Variants in ADCY2 observed in about 807,000 individuals in gnomAD.
ADCY2 encodes the protein adenylate cyclase 2, also known as adenylate cyclase type 2.
Under a neutral mutation model 125.2 loss-of-function variants are expected in ADCY2, and 31 were observed. That is an observed-to-expected ratio of 0.25 (90% CI 0.19 to 0.33). The LOEUF is 0.33. Ranked by LOEUF, ADCY2 falls within the 10% of genes least tolerant of loss-of-function variation. The pLI is 1.00. For missense variants in ADCY2, 904 were observed against 1,418.2 expected (o/e 0.64, Z 5.82); for synonymous variants, 512 against 548.4 (o/e 0.93, Z 0.93).
chr5:7,490,058 C>T (rs1016823812), intron 2 of ADCY2, among the ~76,000 whole-genome samples: 6 of 151,960 alleles, frequency 3.9e-5, no homozygotes, highest in Non-Finnish European at 5.9e-5. Flanking sequence ...TAAAAATTAT[C>T]ATTCTTGGTG....
At chr5:7,598,376 A>G (rs1737079640) in intron 3 of ADCY2, among the ~76,000 whole-genome samples, 1 of 152,212 alleles carries the variant, frequency 6.6e-6, no homozygotes, top group African/African-American at 2.4e-5. Context: ...AGGACATCCT[A>G]TACTATTTTA....
chr5:7,573,493 C>T (rs1193187568), intron 3 of ADCY2, among the ~76,000 whole-genome samples: 1 of 150,142 alleles, frequency 6.7e-6, no homozygotes, highest in Non-Finnish European at 1.5e-5. Context: ...TATGTGACTA[C>T]ATGATTATTT....
chr5:7,749,319 T>C (rs1289482310), intron 15 of ADCY2, among the ~76,000 whole-genome samples: 3 of 152,214 alleles, frequency 2.0e-5, no homozygotes, highest in Non-Finnish European at 4.4e-5. Context: ...TAAAGTAATC[T>C]AGTAAGAAAG....
chr5:7,626,810 C>G (rs1270758496), intron 4 of ADCY2, among the ~76,000 whole-genome samples: 1 of 152,118 alleles, frequency 6.6e-6, no homozygotes, highest in African/African-American at 2.4e-5. Context: ...ACACCTCCCA[C>G]CAGGCCTCAC....
At chr5:7,668,491 GAACT>G (rs566208270) in intron 4 of ADCY2, among the ~76,000 whole-genome samples, 2 of 152,104 alleles carry the variant, frequency 1.3e-5, no homozygotes, top group South Asian at 2.1e-4. Context: ...TTTCTCTGGA[GAACT>G]AACTAATACA....
At chr5:7,656,789 A>G (rs1739349923) in intron 4 of ADCY2, among the ~76,000 whole-genome samples, 1 of 152,228 alleles carries the variant, frequency 6.6e-6, no homozygotes. Context: ...GGGTTCAGGT[A>G]TAGTCCCTAG....
intron 3 of ADCY2, among the ~76,000 whole-genome samples, chr5:7,558,598 A>T (rs1735611527): frequency 6.6e-6 from 1 of 152,012 alleles, no homozygotes; most frequent in African/African-American, 2.4e-5. Flanking sequence ...CCTCTGTTGG[A>T]TGCGTAGTTT....
intron 10 of ADCY2, among the ~76,000 whole-genome samples, chr5:7,710,910 G>A (rs1470608068): frequency 2.6e-5 from 4 of 152,202 alleles, no homozygotes; most frequent in Non-Finnish European, 1.5e-5. Flanking sequence ...GATTGGATAT[G>A]CATGAACATT....
chr5:7,723,704 C>T (rs1009861106), intron 12 of ADCY2, among the ~76,000 whole-genome samples: 1 of 151,904 alleles, frequency 6.6e-6, no homozygotes, highest in Admixed American at 6.6e-5. Context: ...GCGTGGACCA[C>T]GAGGTTGGGA....
In ADCY2 at chr5:7,414,582, G is replaced by A; in HGVS notation, c.220G>A (p.Asp74Asn). The A allele has an allele frequency of 6.2e-7, 1 of 1,609,380 alleles. No homozygotes were observed. The highest frequency in any genetic ancestry group is 1.3e-5 in the African/African-American group (1 of 74,838). ...VFFALGLEVE[D>N]HVAFLITVPT... Reference sequence around the variant, plus strand: ...TTTTTTATCTCCTCAGGAAGTTGAAGACCATGTGGCGTTTCTAATAACAGT... The same window carrying A: ...TTTTTTATCTCCTCAGGAAGTTGAAAACCATGTGGCGTTTCTAATAACAGT... Residue 74 changes from aspartate to asparagine, a missense_variant, in exon 2 of 25, where the codon GAC becomes AAC. This residue lies in a region of ADCY2 where 113 missense variants were observed against 108.0 expected (regional missense o/e 1.05). Coordinates refer to ENST00000338316, the MANE Select transcript of ADCY2 (RefSeq NM_020546.3).
intron 5 of ADCY2, among the ~76,000 whole-genome samples, chr5:7,693,972 C>T (rs1188755460): frequency 6.6e-6 from 1 of 152,180 alleles, no homozygotes; most frequent in Non-Finnish European, 1.5e-5. Context: ...CACAATGGCT[C>T]AGCACCTGTG....
chr5:7,777,394 T>G (rs545097333), intron 18 of ADCY2, among the ~76,000 whole-genome samples: 98 of 152,346 alleles, frequency 6.4e-4, no homozygotes, highest in Non-Finnish European at 1.3e-3. Context: ...AAAAAACATC[T>G]GTTGAATGAA....
intron 1 of ADCY2, among the ~76,000 whole-genome samples, chr5:7,397,707 T>TA (rs1739115223): frequency 1.3e-5 from 2 of 151,968 alleles, no homozygotes; most frequent in South Asian, 4.2e-4. Flanking sequence ...TTTTAAAAAA[T>TA]AAAAAAATTC....
chr5:7,575,949 G>A (rs912987884), intron 3 of ADCY2, among the ~76,000 whole-genome samples: 3 of 152,164 alleles, frequency 2.0e-5, no homozygotes, highest in African/African-American at 7.2e-5. Flanking sequence ...GCGTGTGTGT[G>A]TATGTCTGTG....
chr5:7,396,523 C>T lies in ADCY2; in HGVS notation c.210+17C>T, dbSNP rs1343610129. ...CTCGGGCTGGTGAGTGGCCTCCCCG[C>T]GGGTCCAGCGCCGCGCCTTCCCCGG... On this transcript the variant is annotated intron_variant, in intron 1 of 24. Coordinates refer to ENST00000338316, the MANE Select transcript of ADCY2 (RefSeq NM_020546.3). The surrounding 1 kb of genome is among the most constrained non-coding windows in gnomAD (Gnocchi z 5.7). The T allele has an allele frequency of 6.4e-7, 1 of 1,550,436 alleles. No homozygotes were observed. Among genetic ancestry groups the T allele is most frequent in the Non-Finnish European group, 8.7e-7 (1 of 1,150,202 alleles).
chr5:7,412,394 T>G (rs1739759487), intron 1 of ADCY2, among the ~76,000 whole-genome samples: 1 of 152,204 alleles, frequency 6.6e-6, no homozygotes, highest in Admixed American at 6.5e-5. Flanking sequence ...GAGGTTTAAG[T>G]TAAATCAGTT....
chr5:7,506,789 C>CT (rs70940743), intron 2 of ADCY2, among the ~76,000 whole-genome samples: 1,390 of 55,024 alleles, frequency 0.025, 358 homozygotes, highest in East Asian at 0.062. Context: ...ATGCGTTGCT[C>CT]TTTTTTTTTT....
intron 2 of ADCY2, among the ~76,000 whole-genome samples, chr5:7,476,445 A>G (rs1742529122): frequency 1.3e-5 from 2 of 152,184 alleles, no homozygotes; most frequent in African/African-American, 2.4e-5. Flanking sequence ...AGAGTGGTCA[A>G]CAGAGCCCGA....
At chr5:7,570,588 A>G (rs1561100980) in intron 3 of ADCY2, among the ~76,000 whole-genome samples, 1 of 150,614 alleles carries the variant, frequency 6.6e-6, no homozygotes, top group Non-Finnish European at 1.5e-5. Flanking sequence ...AAGATAATAC[A>G]TAGCTATGTA....
Sources: allele counts gnomAD v4.1 joint callset (sites outside exome capture counted in the v4.1 genomes callset), GRCh38; gene constraint gnomAD v4.1.1; regional missense constraint gnomAD v4.1.1; non-coding constraint Gnocchi (gnomAD v3.1); transcripts MANE v1.5; gene names NCBI Gene and HGNC (gene_info 2026-07-23, HGNC 2026-07-21).